The following MINAR1 variants were observed in gnomAD, a reference collection of about 807,000 sequenced individuals.
The protein encoded by MINAR1 is major intrinsically disordered Notch2-binding receptor 1.
Under a neutral mutation model 65.1 loss-of-function variants are expected in MINAR1, and 40 were observed. The observed-to-expected ratio is 0.61, with a 90% CI of 0.48 to 0.80. The LOEUF (loss-of-function observed/expected upper bound fraction) is 0.80, where lower values mean the gene tolerates loss of function less well. MINAR1 is among the 30% of genes least tolerant of loss of function. MINAR1 has a pLI of 0.00. For missense variants in MINAR1, 1,128 were observed against 1,148.0 expected, an observed-to-expected ratio of 0.98 and a Z score of 0.25; for synonymous variants, 482 against 449.1, an observed-to-expected ratio of 1.07 and a Z score of -0.93.
chr15:79,452,867 G>A (rs1895281218), intron 1 of MINAR1, among the ~76,000 whole-genome samples: 1 of 151,158 alleles, frequency 6.6e-6, no homozygotes, highest in African/African-American at 2.4e-5. Context: ...GTCTGTGTGA[G>A]TGTGAAGCTG....
At chr15:79,434,433 G>A (rs1009601793) in intron 1 of MINAR1, among the ~76,000 whole-genome samples, 21 of 152,308 alleles carry the variant, frequency 1.4e-4, no homozygotes, top group African/African-American at 3.6e-4. Flanking sequence ...CACAGCAGAC[G>A]CACAGAACTG....
upstream of MINAR1, chr15:79,427,496 C>T (rs569451702): frequency 2.0e-5 from 3 of 152,266 alleles, no homozygotes; most frequent in South Asian, 6.2e-4. Context: ...CAATCTCTAC[C>T]CATTTAACTC....
chr15:79,463,653 C>T (rs1014314850), intron 3 of MINAR1: 7 of 538,416 alleles, frequency 1.3e-5, no homozygotes, highest in Admixed American at 6.7e-5. Flanking sequence ...CTGAGCCAAA[C>T]TGTTTAATGA....
At chr15:79,447,517 T>C (rs911237592) in intron 1 of MINAR1, among the ~76,000 whole-genome samples, 1 of 152,218 alleles carries the variant, frequency 6.6e-6, no homozygotes. Flanking sequence ...TTGTGTCTGC[T>C]GATTCTTACT....
chr15:79,443,228 G>A (rs1164998846), intron 1 of MINAR1, among the ~76,000 whole-genome samples: 1 of 152,364 alleles, frequency 6.6e-6, no homozygotes, highest in East Asian at 1.9e-4. Flanking sequence ...ATTCCCACAA[G>A]AGGATGTGAT....
intron 2 of MINAR1, among the ~76,000 whole-genome samples, chr15:79,459,389 C>T (rs1895560309): frequency 6.6e-6 from 1 of 152,204 alleles, no homozygotes; most frequent in African/African-American, 2.4e-5. Context: ...TGAATCCTTT[C>T]TTTCTCTCAC....
At chr15:79,458,652 A>G (rs77028885) in intron 2 of MINAR1, among the ~76,000 whole-genome samples, 5,323 of 152,292 alleles carry the variant, frequency 0.035, 132 homozygotes, top group Middle Eastern at 0.061. Flanking sequence ...ATCAGCTAGG[A>G]GGAGCACATG....
intron 2 of MINAR1, among the ~76,000 whole-genome samples, chr15:79,461,606 G>A (rs1228906921): frequency 6.6e-6 from 1 of 152,168 alleles, no homozygotes; most frequent in Non-Finnish European, 1.5e-5. Context: ...TTTCTTGTGT[G>A]GGTTTATCCT....
At chr15:79,417,739 G>C in the MINAR1 span, 2 of 152,260 alleles carry the variant, frequency 1.3e-5, no homozygotes, top group Admixed American at 1.3e-4. Flanking sequence ...AACGCACACA[G>C]CAGGGCCAAA....
chr15:79,455,964 C>A (rs1236523687), intron 1 of MINAR1, 134 bp from the exon 2 acceptor site: 2 of 587,272 alleles, frequency 3.4e-6, no homozygotes, highest in East Asian at 5.6e-5. Flanking sequence ...TTTTTACTGT[C>A]CTTATTACAT....
In MINAR1 at chr15:79,470,185, A is replaced by G. The variant is rs765710280; in HGVS notation, c.*1801A>G. 2.0e-5 allele frequency: 3 copies of G among 152,624 alleles called. No individual in the cohort carries two copies. The highest frequency in any genetic ancestry group is 6.5e-5 in the Admixed American group (1 of 15,284). 9.5% of individuals were successfully genotyped at this position (152,624 alleles called of 1,614,324 possible). ...ATTTATAATTGAAAATGAAAAAAATATGTTACTCTCTATCATCAGAATTAT... is the reference window on the plus strand; with the variant it reads ...ATTTATAATTGAAAATGAAAAAAATGTGTTACTCTCTATCATCAGAATTAT... On this transcript the variant is annotated 3_prime_UTR_variant, in exon 4 of 4. Transcript: ENST00000305428.
At chr15:79,411,441 C>T in the MINAR1 span, 130 of 702,458 alleles carry the variant, frequency 1.9e-4, no homozygotes, top group African/African-American at 1.9e-3. Context: ...ACAAGATGGT[C>T]GACTATATGC....
At chr15:79,412,981 G>A in the MINAR1 span, 2 of 152,060 alleles carry the variant, frequency 1.3e-5, no homozygotes, top group African/African-American at 4.8e-5. Flanking sequence ...AAATTTTCCA[G>A]AAATGAAGCC....
chr15:79,457,167 T>C lies in MINAR1; in HGVS notation c.1020T>C (p.Phe340=). 3 of 1,614,162 alleles carry C rather than the reference T, an allele frequency of 1.9e-6. No individual in the cohort carries two copies. The highest frequency in any genetic ancestry group is 2.5e-6 in the Non-Finnish European group (3 of 1,180,028). The stretch of plus-strand genomic sequence containing the variant: ...ATGACCTTCAAGCCTCTACATATTT[T>C]GGGCCCACTCCCGTGATGGGAACCC... ...SLDDLQASTY[F]GPTPVMGTQE... is the part of the protein sequence containing the mutation. The change falls in exon 2 of 4, where the codon TTT becomes TTC. Residue 340 remains phenylalanine, a synonymous_variant. Transcript: ENST00000305428.
At chr15:79,452,809 CTG>C (rs767462911) in intron 1 of MINAR1, among the ~76,000 whole-genome samples, 13 of 138,916 alleles carry the variant, frequency 9.4e-5, no homozygotes, top group East Asian at 2.3e-4. Flanking sequence ...GTGTGAAGCT[CTG>C]TGGGTGTGAA....
chr15:79,466,176 C>CA (rs1453556481), intron 3 of MINAR1, among the ~76,000 whole-genome samples: 3 of 152,154 alleles, frequency 2.0e-5, no homozygotes, highest in African/African-American at 7.2e-5. Flanking sequence ...CCCACCCTTC[C>CA]ATGTAACTTG....
intron 2 of MINAR1, 134 bp from the exon 3 acceptor site, chr15:79,462,933 A>T: frequency 1.1e-6 from 1 of 880,684 alleles, no homozygotes; most frequent in African/African-American, 1.7e-5. Flanking sequence ...ATGCTTTCAT[A>T]CTTTTGATTT....
At chr15:79,459,408 G>A (rs1044015758) in intron 2 of MINAR1, among the ~76,000 whole-genome samples, 7 of 152,148 alleles carry the variant, frequency 4.6e-5, no homozygotes, top group African/African-American at 1.7e-4. Flanking sequence ...ACCCCCTGCA[G>A]TAAGGGTGGT....
upstream of MINAR1, among the ~76,000 whole-genome samples, chr15:79,428,704 A>C (rs1220208430): frequency 6.6e-6 from 1 of 152,188 alleles, no homozygotes; most frequent in Non-Finnish European, 1.5e-5. Flanking sequence ...TTAAGAAACT[A>C]TCTCAAGTTT....
Sources: gnomAD v4.1 joint callset for allele counts (sites outside exome capture counted in the v4.1 genomes callset) on GRCh38, gnomAD v4.1.1 for gene constraint, MANE v1.5 for transcripts, NCBI Gene and HGNC (gene_info 2026-07-23, HGNC 2026-07-21) for gene names.